The following ANKFN1 variants were observed in gnomAD, a reference collection of about 807,000 sequenced individuals.
ANKFN1 encodes the protein ankyrin repeat and fibronectin type-III domain-containing protein 1.
ANKFN1 carries 74 observed loss-of-function variants against 108.7 expected under a neutral mutation model. The observed-to-expected ratio is 0.68, with a 90% CI of 0.56 to 0.83. ANKFN1 has a LOEUF of 0.83. Ranked by LOEUF, ANKFN1 falls within the 40% of genes least tolerant of loss-of-function variation. The probability of loss-of-function intolerance (pLI) is 0.00; values close to 1 mark genes in which losing one functional copy is unlikely to be tolerated. For missense variants in ANKFN1, 1,505 were observed against 1,382.3 expected, an observed-to-expected ratio of 1.09 and a Z score of -1.41; for synonymous variants, 547 against 516.2, an observed-to-expected ratio of 1.06 and a Z score of -0.81.
rs1048902071 is a variant in ANKFN1, at chr17:56,420,857, G to A, written c.911-19470G>A. 6.6e-5 allele frequency among the ~76,000 whole-genome samples: 10 copies of A among 151,872 alleles called. No individual in the cohort carries two copies. In the East Asian group the frequency reaches 7.8e-4, roughly 12 times the overall value. Reference sequence around the variant, plus strand: ...CAAGTAGCTGGGACTACAGGCGCCCGCCACCGCGCCCGGCTAATTTTTTTG... The same window carrying A: ...CAAGTAGCTGGGACTACAGGCGCCCACCACCGCGCCCGGCTAATTTTTTTG... On this transcript the variant is annotated intron_variant, in intron 8 of 20. Transcript: ENST00000682825.
rs182837887 is a variant in ANKFN1, at chr17:56,404,610, G to A, written c.910+29896G>A. The stretch of plus-strand genomic sequence containing the variant: ...CTTGCATTGGGCTTCACCTTTCTCT[G>A]GTGACTCTCCGATTAGCTTAATAAC... On this transcript the variant is annotated intron_variant, in intron 8 of 20. Transcript: ENST00000682825. Among the ~76,000 whole-genome samples, 22 of 152,086 alleles carry A rather than the reference G, an allele frequency of 1.4e-4. No homozygotes were observed. In the East Asian group the frequency reaches 3.7e-3, roughly 25 times the overall value.
chr17:56,449,580 A>G (rs532212742), intron 11 of ANKFN1, among the ~76,000 whole-genome samples: 16 of 152,296 alleles, frequency 1.1e-4, no homozygotes, highest in African/African-American at 3.6e-4. Context: ...GCCAATTATA[A>G]TAACAACAGT....
At chr17:56,461,867 A>G (rs1238301319) in intron 14 of ANKFN1, among the ~76,000 whole-genome samples, 1 of 152,042 alleles carries the variant, frequency 6.6e-6, no homozygotes, top group Non-Finnish European at 1.5e-5. Context: ...GGGAAACTTT[A>G]TCTAGCCAAA....
At chr17:56,412,972 A>G (rs945773579) in intron 8 of ANKFN1, among the ~76,000 whole-genome samples, 2 of 152,126 alleles carry the variant, frequency 1.3e-5, no homozygotes, top group Admixed American at 1.3e-4. Context: ...AAAGAAAACA[A>G]CTTTTAGTTT....
At chr17:56,120,485 A>G (rs1347094212) in intron 4 of ANKFN1, among the ~76,000 whole-genome samples, 2 of 152,132 alleles carry the variant, frequency 1.3e-5, no homozygotes, top group South Asian at 4.1e-4. Flanking sequence ...GAATGGTTCT[A>G]ATGGTCTTTG....
At chr17:56,263,642 C>A (rs1413623120) in intron 3 of ANKFN1, among the ~76,000 whole-genome samples, 1 of 152,156 alleles carries the variant, frequency 6.6e-6, no homozygotes, top group Non-Finnish European at 1.5e-5. Flanking sequence ...TGACTGGAGT[C>A]CTATTCAAAG....
Position 56,230,539 on chromosome 17 carries a change from C to T in ANKFN1, c.53+2582C>T, listed in dbSNP as rs1481994018. Among the ~76,000 whole-genome samples, 2 of 152,090 alleles carry T rather than the reference C, an allele frequency of 1.3e-5. 1 individual carries two copies. The highest frequency in any genetic ancestry group is 3.9e-4 in the East Asian group (2 of 5,188). On this transcript the variant is annotated intron_variant, in intron 3 of 20. Transcript: ENST00000682825. Reference sequence around the variant, plus strand: ...TGGGATTCTGGTGGCAAGCTTTGGGCCTTCAAATTAATGCTACACAATAGA... The same window carrying T: ...TGGGATTCTGGTGGCAAGCTTTGGGTCTTCAAATTAATGCTACACAATAGA...
intron 3 of ANKFN1, among the ~76,000 whole-genome samples, chr17:56,240,484 A>T (rs955804915): frequency 1.8e-4 from 27 of 152,150 alleles, no homozygotes; most frequent in Non-Finnish European, 4.0e-4. Context: ...TTGCTATAAA[A>T]AAATACTGCA....
chr17:56,456,837 T>C (rs919690950), intron 11 of ANKFN1, 24 bp from the exon 12 acceptor site: 2 of 1,598,972 alleles, frequency 1.3e-6, no homozygotes, highest in African/African-American at 1.3e-5. Context: ...GAATTTATAC[T>C]GTATTTTTTA....
chr17:56,145,491 C>A (rs1390383090), intron 4 of ANKFN1, among the ~76,000 whole-genome samples: 1 of 152,122 alleles, frequency 6.6e-6, no homozygotes, highest in Non-Finnish European at 1.5e-5. Flanking sequence ...CTTCACAGAG[C>A]AGCAGGATTG....
At chr17:56,325,881 C>T (rs1441014268) in intron 3 of ANKFN1, among the ~76,000 whole-genome samples, 1 of 152,210 alleles carries the variant, frequency 6.6e-6, no homozygotes. Flanking sequence ...CACTGCCCCT[C>T]TGCTCACCCC....
intron 4 of ANKFN1, among the ~76,000 whole-genome samples, chr17:56,098,955 G>A (rs1905587737): frequency 6.6e-6 from 1 of 152,134 alleles, no homozygotes; most frequent in Non-Finnish European, 1.5e-5. Context: ...CAGATGCCCT[G>A]AGGTTAAGAG....
In ANKFN1 at chr17:56,492,279, C is replaced by T. The variant is rs1357308625; in HGVS notation, c.2353C>T (p.Leu785Phe). ...GGATTCTCTGAACACCCAACAGTCCCTCAGGGAAGCAATCTCAGACAGCGA... is the reference window on the plus strand; with the variant it reads ...GGATTCTCTGAACACCCAACAGTCCTTCAGGGAAGCAATCTCAGACAGCGA... Reference protein sequence around the residue: ...ELDSLNTQQSLREAISDSEVA... With the variant: ...ELDSLNTQQSFREAISDSEVA... The change falls in exon 19 of 21, where the codon CTC (leucine) becomes TTC (phenylalanine). Residue 785 changes from leucine (L) to phenylalanine (F), a missense_variant. Coordinates refer to ENST00000682825, the MANE Select transcript of ANKFN1 (RefSeq NM_001370326.1). The T allele has an allele frequency of 1.4e-6, 1 of 702,488 alleles. No homozygotes were observed. Among genetic ancestry groups the T allele is most frequent in the Non-Finnish European group, 2.6e-6 (1 of 384,782 alleles). The allele number at this position is 702,488 out of a possible 1,614,324, so 43.5% of individuals were successfully genotyped here. A position where few individuals can be genotyped will look rare whatever the true frequency, so the allele number is the denominator to read the frequency against.
chr17:56,258,339 A>C (rs891370760), intron 3 of ANKFN1: 7 of 152,228 alleles, frequency 4.6e-5, no homozygotes, highest in African/African-American at 1.7e-4. Flanking sequence ...TTCATGTGAA[A>C]ATAAAGACAA....
intron 4 of ANKFN1, among the ~76,000 whole-genome samples, chr17:56,068,534 T>A (rs1905086484): frequency 1.3e-5 from 2 of 152,052 alleles, no homozygotes; most frequent in Admixed American, 6.6e-5. Flanking sequence ...ATGGCATGAG[T>A]GCCCATAGAG....
intron 8 of ANKFN1, among the ~76,000 whole-genome samples, chr17:56,395,941 A>T (rs1348300991): frequency 6.6e-6 from 1 of 152,204 alleles, no homozygotes; most frequent in Non-Finnish European, 1.5e-5. Context: ...TGCATCCCTC[A>T]AGTGGCCAAC....
At chr17:56,378,686 T>C (rs1227604142) in intron 8 of ANKFN1, among the ~76,000 whole-genome samples, 3 of 152,166 alleles carry the variant, frequency 2.0e-5, no homozygotes, top group African/African-American at 7.2e-5. Flanking sequence ...GATTTGCAGA[T>C]GAGAGCAACG....
intron 8 of ANKFN1, among the ~76,000 whole-genome samples, chr17:56,376,192 CT>C (rs2046943383): frequency 6.6e-6 from 1 of 152,108 alleles, no homozygotes; most frequent in Admixed American, 6.6e-5. Flanking sequence ...GCCTGTCCCT[CT>C]GGGGAACTTC....
intron 4 of ANKFN1, among the ~76,000 whole-genome samples, chr17:56,098,099 T>C (rs999642178): frequency 6.6e-6 from 1 of 152,048 alleles, no homozygotes; most frequent in Non-Finnish European, 1.5e-5. Context: ...AATATAACCA[T>C]AGAGGCAGAG....
Sources: gnomAD v4.1 joint callset for allele counts (sites outside exome capture counted in the v4.1 genomes callset) on GRCh38, gnomAD v4.1.1 for gene constraint, MANE v1.5 for transcripts, NCBI Gene and HGNC (gene_info 2026-07-23, HGNC 2026-07-21) for gene names.